LRIF1: variants seen among roughly 807,000 people sequenced by gnomAD.
LRIF1 encodes ligand dependent nuclear receptor interacting factor 1, also known as ligand-dependent nuclear receptor-interacting factor 1.
In LRIF1, 32 loss-of-function variants were observed where a neutral mutation model predicts 52.7. That is an observed-to-expected ratio of 0.61 (90% CI 0.46 to 0.82). The LOEUF (loss-of-function observed/expected upper bound fraction) is 0.82. LRIF1 is among the 40% of genes least tolerant of loss of function. The pLI is 0.00. For missense variants in LRIF1, 887 were observed against 892.0 expected (o/e 0.99, Z 0.07); for synonymous variants, 323 against 317.4 (o/e 1.02, Z -0.19).
At chr1:110,886,869 A>ATATATATATATATTTTT in the LRIF1 span, among the ~76,000 whole-genome samples, 11 of 82,782 alleles carry the variant, frequency 1.3e-4, no homozygotes, top group South Asian at 4.3e-4. Context: ...ATATATATAT[A>ATATATATATATATTTTT]TTTTTTTTTT....
chr1:110,911,249 AAATGGATGAATTCTTAGAAGC>A, the LRIF1 span, among the ~76,000 whole-genome samples: 50 of 152,290 alleles, frequency 3.3e-4, no homozygotes, highest in African/African-American at 1.1e-3. Context: ...AACCTAGAAG[AAATGGATGAATTCTTAGAAGC>A]ATACAACCTC....
chr1:110,959,492 T>A (rs2796061), intron 1 of LRIF1, among the ~76,000 whole-genome samples: 51 of 152,200 alleles, frequency 3.4e-4, no homozygotes, highest in Non-Finnish European at 5.7e-4. Context: ...TGGCTCATGC[T>A]TGTAATCCCA....
chr1:110,913,067 G>C, the LRIF1 span, among the ~76,000 whole-genome samples: 11 of 152,190 alleles, frequency 7.2e-5, 1 homozygote, highest in South Asian at 1.9e-3. Flanking sequence ...ACAAGCAATG[G>C]GGAAAGGACT....
rs754116900 is a variant in LRIF1, at chr1:110,952,238, T to C, written c.646A>G (p.Ser216Gly). 2 of 1,614,210 alleles carry C rather than the reference T, an allele frequency of 1.2e-6. No individual in the cohort carries two copies. The highest frequency in any genetic ancestry group is 1.7e-6 in the Non-Finnish European group (2 of 1,180,030). ...QQKILATATT[S>G]TSGMVEASQM... Reference sequence around the variant, plus strand: ...GAGGCCTCAACCATTCCTGAGGTACTGGTGGTGGCAGTTGCAAGTATCTTT... The same window carrying C: ...GAGGCCTCAACCATTCCTGAGGTACCGGTGGTGGCAGTTGCAAGTATCTTT... Residue 216 changes from serine to glycine, a missense_variant, in exon 2 of 4, where the codon AGT (serine) becomes GGT (glycine). Ser to Gly is a moderately conservative substitution (Grantham distance 56, BLOSUM62 0). Coordinates refer to ENST00000369763, the MANE Select transcript of LRIF1 (RefSeq NM_018372.4).
In LRIF1 at chr1:110,952,633, A is replaced by G. The variant is rs1212556783; in HGVS notation, c.251T>C (p.Ile84Thr). The change falls in exon 2 of 4, where the codon ATT becomes ACT. Residue 84 changes from isoleucine (I) to threonine (T), a missense_variant. Coordinates refer to ENST00000369763, the MANE Select transcript of LRIF1 (RefSeq NM_018372.4). ...KPVQVTFQTQ[I>T]SSSSTSASVQ... The stretch of plus-strand genomic sequence containing the variant: ...TGATGCACTTGTGGAAGAGCTGGAA[A>G]TCTGAGTCTGAAAAGTAACTTGAAC... 6.2e-7 allele frequency: 1 copy of G among 1,614,152 alleles called. No homozygotes were observed. Among genetic ancestry groups the G allele is most frequent in the Middle Eastern group, 1.7e-4 (1 of 6,060 alleles).
downstream of LRIF1, among the ~76,000 whole-genome samples, chr1:110,945,450 G>T (rs1658183079): frequency 6.7e-6 from 1 of 150,112 alleles, no homozygotes; most frequent in East Asian, 2.0e-4. Flanking sequence ...CTTTGAGACG[G>T]AGTCTCATTC....
rs557888065 is a variant in LRIF1 at position 110,956,316 on chromosome 1, T to C, written c.69-3501A>G. On this transcript the variant is annotated intron_variant, in intron 1 of 3. Transcript: ENST00000369763. ...ACCAAGCACAGATAAAGAGAAAGCA[T>C]ACTGAGTTCATCCAGGGTTGGGGTG... Among the ~76,000 whole-genome samples, 51 of 152,220 alleles carry C rather than the reference T, an allele frequency of 3.4e-4. 1 individual carries two copies. Among genetic ancestry groups the C allele is most frequent in the Admixed American group, 1.3e-3 (20 of 15,298 alleles).
the LRIF1 span, among the ~76,000 whole-genome samples, chr1:110,913,322 T>C: frequency 2.0e-4 from 30 of 152,014 alleles, no homozygotes; most frequent in African/African-American, 7.0e-4. Flanking sequence ...AAATAGACAA[T>C]TGGGACCTAA....
chr1:110,925,568 T>G, the LRIF1 span, among the ~76,000 whole-genome samples: 3 of 152,130 alleles, frequency 2.0e-5, no homozygotes, highest in Non-Finnish European at 2.9e-5. Flanking sequence ...GTTGAAAAAT[T>G]TCTCTCTGAT....
chr1:110,875,738 C>T, the LRIF1 span, among the ~76,000 whole-genome samples: 1 of 152,132 alleles, frequency 6.6e-6, no homozygotes, highest in Non-Finnish European at 1.5e-5. Flanking sequence ...CTATGCAGAG[C>T]AGGACTCCAG....
the LRIF1 span, among the ~76,000 whole-genome samples, chr1:110,890,732 A>G: frequency 2.9e-3 from 435 of 152,372 alleles, 2 homozygotes; most frequent in African/African-American, 0.01. Flanking sequence ...TTACATTGCT[A>G]TCTCTTTTTA....
chr1:110,963,436 A>G, intron 1 of LRIF1, 185 bp downstream of exon 1: 3 of 458,938 alleles, frequency 6.5e-6, no homozygotes, highest in Non-Finnish European at 1.2e-5. Flanking sequence ...GAGGTTTTAC[A>G]TTTCCCAGAG....
chr1:110,890,371 A>C, the LRIF1 span, among the ~76,000 whole-genome samples: 4 of 152,170 alleles, frequency 2.6e-5, no homozygotes, highest in Non-Finnish European at 5.9e-5. Flanking sequence ...GTTTGAGGCC[A>C]GACTAGGCAA....
chr1:110,914,119 A>C, the LRIF1 span, among the ~76,000 whole-genome samples: 2 of 152,170 alleles, frequency 1.3e-5, no homozygotes, highest in Non-Finnish European at 2.9e-5. Flanking sequence ...ACATGGACAC[A>C]GAGAGGAACA....
At chr1:110,877,194 G>C in the LRIF1 span, among the ~76,000 whole-genome samples, 8 of 152,274 alleles carry the variant, frequency 5.3e-5, no homozygotes, top group East Asian at 1.3e-3. Context: ...TGATATTCTT[G>C]AAGAGTAAGG....
the LRIF1 span, among the ~76,000 whole-genome samples, chr1:110,888,828 G>A: frequency 6.6e-6 from 1 of 152,174 alleles, no homozygotes; most frequent in Non-Finnish European, 1.5e-5. Context: ...GCTCAAAGCT[G>A]TAGCACAGCT....
chr1:110,877,274 T>C, the LRIF1 span, among the ~76,000 whole-genome samples: 1 of 152,232 alleles, frequency 6.6e-6, no homozygotes, highest in African/African-American at 2.4e-5. Flanking sequence ...ATTCAGGTTA[T>C]TTAAATTTTT....
the LRIF1 span, among the ~76,000 whole-genome samples, chr1:110,900,329 G>A: frequency 7.2e-5 from 11 of 152,260 alleles, 1 homozygote; most frequent in African/African-American, 2.6e-4. Flanking sequence ...GAAAGGGCAT[G>A]AGATTCGGCA....
At chr1:110,945,234 A>T (rs1333563378), downstream of LRIF1, 1 of 152,228 alleles carries the variant, frequency 6.6e-6, no homozygotes, top group Admixed American at 6.5e-5. Context: ...CCTCATTTTG[A>T]TCAAAAATAT....
Sources: allele counts gnomAD v4.1 joint callset (sites outside exome capture counted in the v4.1 genomes callset), GRCh38; gene constraint gnomAD v4.1.1; transcripts MANE v1.5; gene names NCBI Gene and HGNC (gene_info 2026-07-23, HGNC 2026-07-21).